Variants in PIK3CA observed in about 807,000 individuals in gnomAD.
PIK3CA encodes phosphatidylinositol 4,5-bisphosphate 3-kinase catalytic subunit alpha isoform.
PIK3CA carries 27 observed loss-of-function variants against 138.2 expected under a neutral mutation model. The observed-to-expected ratio is 0.20, with a 90% CI of 0.14 to 0.27. The LOEUF is 0.27. PIK3CA is among the 10% of genes least tolerant of loss of function. PIK3CA has a pLI of 1.00. For synonymous variants in PIK3CA, 358 were observed against 413.2 expected, an observed-to-expected ratio of 0.87 and a Z score of 1.62; for missense variants, 544 against 1,277.4, an observed-to-expected ratio of 0.43 and a Z score of 8.75.
In PIK3CA at chr3:179,203,643, C is replaced by T. The variant is rs1405694312; in HGVS notation, c.913C>T (p.Pro305Ser). Residue 305 changes from proline to serine, a missense_variant, in exon 5 of 21, where the codon CCA becomes TCA. By Grantham distance (74) the Pro-to-Ser change is moderately conservative. This residue lies in a region of PIK3CA where 234 missense variants were observed against 401.3 expected (regional missense o/e 0.58). Transcript: ENST00000263967. ...SQLPMDCFTM[P>S]SYSRRISTAT... ...ACTGCCAATGGACTGTTTTACAATG[C>T]CATCTTATTCCAGACGCATTTCCAC... 6.2e-7 allele frequency: 1 copy of T among 1,613,862 alleles called. No individual in the cohort carries two copies. Among genetic ancestry groups the T allele is most frequent in the Non-Finnish European group, 8.5e-7 (1 of 1,179,942 alleles).
rs1157472157 is a variant in PIK3CA, at chr3:179,219,074, A to T, written c.1665-122A>T. 1 of 567,904 alleles carries T rather than the reference A, an allele frequency of 1.8e-6. No individual in the cohort carries two copies. Among genetic ancestry groups the T allele is most frequent in the East Asian group, 2.9e-5 (1 of 34,798 alleles). The allele number at this position is 567,904 out of a possible 1,614,324, so 35.2% of individuals were successfully genotyped here. ...AAACACTGATGTCTTTTGAATTTTA[A>T]AAAAGCTAGTAATGTAAGAAGTTTG... On this transcript the variant is annotated intron_variant, in intron 10 of 20. Coordinates refer to ENST00000263967, the MANE Select transcript of PIK3CA (RefSeq NM_006218.4). This position sits in a 1 kb window ranked among gnomAD's most constrained non-coding sequence, Gnocchi z 4.2.
intron 1 of PIK3CA, among the ~76,000 whole-genome samples, chr3:179,197,831 A>T (rs1202744684): frequency 2.6e-5 from 4 of 152,218 alleles, no homozygotes; most frequent in South Asian, 4.1e-4. Flanking sequence ...CTTGTGTTTT[A>T]TGGATTTTGA....
intron 1 of PIK3CA, chr3:179,149,378 T>A: frequency 6.6e-6 from 1 of 151,968 alleles, no homozygotes; most frequent in East Asian, 1.9e-4. Flanking sequence ...AGCCGGCGTG[T>A]TTTTGACCTC....
chr3:179,151,673 C>T (rs1188582346), intron 1 of PIK3CA, among the ~76,000 whole-genome samples: 1 of 152,164 alleles, frequency 6.6e-6, no homozygotes, highest in African/African-American at 2.4e-5. Context: ...GTCCTTGCTT[C>T]TTTCTCTAGG....
chr3:179,234,559 GTTCAT>G lies in PIK3CA; in HGVS notation c.*200_*204del, dbSNP rs1242727019. The G allele has an allele frequency of 5.5e-5, 22 of 397,582 alleles. No individual in the cohort carries two copies. The highest frequency in any genetic ancestry group is 9.7e-5 in the Non-Finnish European group (22 of 226,788). 24.6% of individuals were successfully genotyped at this position (397,582 alleles called of 1,614,324 possible). ...ACAGGGTTTGATAGCACTTAAACTAGTTCATTTCAAAATTAAGCTTTAGAATAATG... is the reference window on the plus strand; with the variant it reads ...ACAGGGTTTGATAGCACTTAAACTAGTTCAAAATTAAGCTTTAGAATAATG... On this transcript the variant is annotated 3_prime_UTR_variant, in exon 21 of 21. Transcript: ENST00000263967. The surrounding 1 kb of genome is among the most constrained non-coding windows in gnomAD (Gnocchi z 5.1).
rs181329165 is a variant in PIK3CA, at chr3:179,220,411, C to G, written c.2015+359C>G. The stretch of plus-strand genomic sequence containing the variant: ...AAATGTTTTACCTTGAAATTCAGAA[C>G]AATGTCAAACTCCCGTGGTTCTTAC... On this transcript the variant is annotated intron_variant, in intron 13 of 20. Transcript: ENST00000263967. This position sits in a 1 kb window ranked among gnomAD's most constrained non-coding sequence, Gnocchi z 4.1. 1.1e-4 allele frequency among the ~76,000 whole-genome samples: 17 copies of G among 152,206 alleles called. No individual in the cohort carries two copies. Among genetic ancestry groups the G allele is most frequent in the African/African-American group, 3.6e-4 (15 of 41,536 alleles).
chr3:179,233,305 T>A (rs1725254518), intron 20 of PIK3CA: 1 of 398,320 alleles, frequency 2.5e-6, no homozygotes, highest in African/African-American at 2.1e-5. Flanking sequence ...GGGGGAGTGC[T>A]TTCAGCTTTT....
At chr3:179,212,563 C>T (rs1422970586) in intron 9 of PIK3CA, among the ~76,000 whole-genome samples, 2 of 151,858 alleles carry the variant, frequency 1.3e-5, no homozygotes, top group South Asian at 2.1e-4. Flanking sequence ...GAGATTGCGC[C>T]GCTGCACTCC....
chr3:179,224,019 C>T, intron 14 of PIK3CA, 62 bp from the exon 15 acceptor site: 1 of 862,136 alleles, frequency 1.2e-6, no homozygotes, highest in Non-Finnish European at 2.0e-6. Flanking sequence ...AAGAGATTAG[C>T]AGTTAGTTTT....
At chr3:179,221,923 G>C (rs533665494) in intron 14 of PIK3CA, among the ~76,000 whole-genome samples, 1 of 151,750 alleles carries the variant, frequency 6.6e-6, no homozygotes, top group Non-Finnish European at 1.5e-5. Context: ...GCCCAGGCTG[G>C]TCTCCAATTC....
chr3:179,161,014 G>A (rs894357020), intron 1 of PIK3CA, among the ~76,000 whole-genome samples: 2 of 152,140 alleles, frequency 1.3e-5, no homozygotes, highest in African/African-American at 4.8e-5. Context: ...CTGTTTCATT[G>A]CATCAGACCT....
At chr3:179,178,029 T>C (rs1723742727) in intron 1 of PIK3CA, among the ~76,000 whole-genome samples, 1 of 145,030 alleles carries the variant, frequency 6.9e-6, no homozygotes, top group African/African-American at 2.6e-5. Context: ...CATTTAAAGC[T>C]AGGAGTTCAA....
At chr3:179,154,234 A>G (rs1723078568) in intron 1 of PIK3CA, among the ~76,000 whole-genome samples, 1 of 152,176 alleles carries the variant, frequency 6.6e-6, no homozygotes. Flanking sequence ...CAGCAGACCC[A>G]GTACCTGTCC....
At chr3:179,229,621 T>C (rs1176380728) in intron 18 of PIK3CA, among the ~76,000 whole-genome samples, 179 bp downstream of exon 18, 1 of 152,206 alleles carries the variant, frequency 6.6e-6, no homozygotes, top group Non-Finnish European at 1.5e-5. Flanking sequence ...TAATTACTTT[T>C]AATTTGGTAA....
intron 4 of PIK3CA, among the ~76,000 whole-genome samples, chr3:179,203,331 T>C (rs941017341): frequency 5.3e-5 from 8 of 152,222 alleles, no homozygotes; most frequent in African/African-American, 1.9e-4. Flanking sequence ...TTTCGTGCAA[T>C]TTATATTCAG....
intron 9 of PIK3CA, among the ~76,000 whole-genome samples, chr3:179,217,744 T>C (rs1724869701): frequency 6.6e-6 from 1 of 152,082 alleles, no homozygotes; most frequent in African/African-American, 2.4e-5. Flanking sequence ...TGGTTTTTAC[T>C]TTTTAAATTT....
At chr3:179,170,074 GCGCACACACA>G (rs1211040077) in intron 1 of PIK3CA, among the ~76,000 whole-genome samples, 5 of 119,890 alleles carry the variant, frequency 4.2e-5, no homozygotes, top group Non-Finnish European at 7.5e-5. Flanking sequence ...ACACGCGCGC[GCGCACACACA>G]CACACACACA....
chr3:179,198,959 T>C lies in PIK3CA; in HGVS notation c.134T>C (p.Ile45Thr), dbSNP rs1724336467. The C allele has an allele frequency of 1.2e-6, 2 of 1,613,088 alleles. No homozygotes were observed. The highest frequency in any genetic ancestry group is 1.7e-6 in the Non-Finnish European group (2 of 1,179,300). ...CTCCGTGAGGCTACATTAATAACCA[T>C]AAAGCATGAACTATTTAAAGAAGCA... ...ECLREATLIT[I>T]KHELFKEARK... Residue 45 changes from isoleucine (I) to threonine (T), a missense_variant, in exon 2 of 21, where the codon ATA (isoleucine) becomes ACA (threonine). Physicochemically the swap from Ile to Thr is moderately conservative, Grantham distance 89 (BLOSUM62 -1). This residue lies in a region of PIK3CA where 47 missense variants were observed against 84.0 expected (regional missense o/e 0.56). Transcript: ENST00000263967.
At chr3:179,171,145 T>G (rs913781919) in intron 1 of PIK3CA, among the ~76,000 whole-genome samples, 2 of 132,438 alleles carry the variant, frequency 1.5e-5, no homozygotes, top group Admixed American at 7.4e-5. Flanking sequence ...AAGGAAGAAA[T>G]AAGTAAAATC....
Sources: allele counts gnomAD v4.1 joint callset (sites outside exome capture counted in the v4.1 genomes callset), GRCh38; gene constraint gnomAD v4.1.1; regional missense constraint gnomAD v4.1.1; non-coding constraint Gnocchi (gnomAD v3.1); transcripts MANE v1.5; gene names NCBI Gene and HGNC (gene_info 2026-07-23, HGNC 2026-07-21).